Variants in RSPO2 observed in about 807,000 individuals in gnomAD.
The protein encoded by RSPO2 is R-spondin-2.
RSPO2 carries 14 observed loss-of-function variants against 30.9 expected under a neutral mutation model. The ratio of observed to expected loss-of-function variants is 0.45; its 90% CI spans 0.30 to 0.71. RSPO2 has a LOEUF of 0.71. RSPO2 is among the 30% of genes least tolerant of loss of function. The pLI, the probability that RSPO2 is intolerant of heterozygous loss-of-function variation, is 0.08. For synonymous variants in RSPO2, 107 were observed against 96.4 expected (o/e 1.11, Z -0.64); for missense variants, 264 against 301.9 (o/e 0.87, Z 0.93).
intron 3 of RSPO2, among the ~76,000 whole-genome samples, chr8:107,962,526 G>A (rs1813661090): frequency 1.3e-5 from 2 of 152,140 alleles, no homozygotes; most frequent in Admixed American, 1.3e-4. Context: ...GGAGGGAAAT[G>A]GTAAGCACAG....
At chr8:108,069,884 T>C (rs565327906) in intron 2 of RSPO2, among the ~76,000 whole-genome samples, 3 of 152,318 alleles carry the variant, frequency 2.0e-5, no homozygotes, top group Non-Finnish European at 2.9e-5. Context: ...TATGCCCTCA[T>C]AGGTGTGCCA....
intron 2 of RSPO2, among the ~76,000 whole-genome samples, chr8:108,015,118 G>C (rs1810843040): frequency 6.6e-6 from 1 of 152,110 alleles, no homozygotes; most frequent in African/African-American, 2.4e-5. Context: ...GGCCATAATA[G>C]AAGCAGCATA....
At chr8:107,972,257 T>G (rs1189450296) in intron 3 of RSPO2, among the ~76,000 whole-genome samples, 1 of 151,904 alleles carries the variant, frequency 6.6e-6, no homozygotes, top group East Asian at 1.9e-4. Flanking sequence ...GTGATTCTCA[T>G]GCCTCAGCCT....
intron 5 of RSPO2, among the ~76,000 whole-genome samples, chr8:107,957,412 G>T (rs1032656082): frequency 6.6e-6 from 1 of 152,098 alleles, no homozygotes; most frequent in Non-Finnish European, 1.5e-5. Context: ...ATTCTGCATC[G>T]GCCAGTCACC....
At chr8:108,027,240 G>A (rs1011877037) in intron 2 of RSPO2, among the ~76,000 whole-genome samples, 4 of 151,992 alleles carry the variant, frequency 2.6e-5, no homozygotes, top group African/African-American at 9.7e-5. Context: ...TTTCCTCTTG[G>A]GATTCTCAGT....
At chr8:108,037,044 T>C (rs188463931) in intron 2 of RSPO2, among the ~76,000 whole-genome samples, 5 of 152,230 alleles carry the variant, frequency 3.3e-5, no homozygotes. Context: ...ATTAAGACAA[T>C]TAGTAACCCT....
intron 5 of RSPO2, among the ~76,000 whole-genome samples, chr8:107,952,132 C>T (rs753108868): frequency 3.9e-5 from 6 of 152,166 alleles, no homozygotes; most frequent in Admixed American, 1.3e-4. Flanking sequence ...AGACCCCTGA[C>T]GCAGGAATTT....
intron 5 of RSPO2, among the ~76,000 whole-genome samples, chr8:107,917,993 T>G: frequency 6.6e-6 from 1 of 152,270 alleles, no homozygotes; most frequent in African/African-American, 2.4e-5. Flanking sequence ...TTCTAATAAC[T>G]TTAGAGAATG....
chr8:107,981,607 A>C (rs980115880), intron 3 of RSPO2, among the ~76,000 whole-genome samples: 1 of 152,212 alleles, frequency 6.6e-6, no homozygotes, highest in African/African-American at 2.4e-5. Context: ...AAAAACACCT[A>C]AATAGTGATC....
chr8:108,037,010 G>A (rs1045814405), intron 2 of RSPO2, among the ~76,000 whole-genome samples: 13 of 152,080 alleles, frequency 8.5e-5, no homozygotes, highest in Non-Finnish European at 7.4e-5. Context: ...GCCTCCCTAT[G>A]CCCTGTGGTA....
intron 3 of RSPO2, among the ~76,000 whole-genome samples, chr8:107,972,451 T>C (rs890505230): frequency 6.6e-6 from 1 of 152,130 alleles, no homozygotes; most frequent in African/African-American, 2.4e-5. Flanking sequence ...CAGCCCATTT[T>C]GTATATTTTA....
Position 107,901,108 on chromosome 8 carries a change from G to A in RSPO2, c.699C>T (p.Ser233=), listed in dbSNP as rs767045413. Residue 233 remains serine (S), a synonymous_variant, in exon 6 of 6, where the codon AGC becomes AGT. Transcript: ENST00000276659. ...TAGCTCTGTCTGTAGCTAGGAAGAC[G>A]CTGTGTTGCTCCTGGGCCCTTTCTA... ...KLIERAQEQH[S]VFLATDRANQ 16 of 1,613,968 alleles carry A rather than the reference G, an allele frequency of 9.9e-6. No homozygotes were observed. Among genetic ancestry groups the A allele is most frequent in the Middle Eastern group, 1.6e-4 (1 of 6,084 alleles).
chr8:107,938,787 C>T (rs1448531575), intron 5 of RSPO2, among the ~76,000 whole-genome samples: 1 of 152,150 alleles, frequency 6.6e-6, no homozygotes, highest in African/African-American at 2.4e-5. Context: ...GTTCTGCAAC[C>T]ATAAACAGTA....
chr8:107,974,299 C>T lies in RSPO2; in HGVS notation c.284-13482G>A, dbSNP rs143857631. ...CCCAGGAGTTTGAGACCAGCCTGGGCTATGTGACGATACTTCATCTCTACA... is the reference window on the plus strand; with the variant it reads ...CCCAGGAGTTTGAGACCAGCCTGGGTTATGTGACGATACTTCATCTCTACA... On this transcript the variant is annotated intron_variant, in intron 3 of 5. Coordinates refer to ENST00000276659, the MANE Select transcript of RSPO2 (RefSeq NM_178565.5). Among the ~76,000 whole-genome samples the T allele has an allele frequency of 2.1e-3, 294 of 143,212 alleles. 1 individual carries two copies. Among genetic ancestry groups the T allele is most frequent in the African/African-American group, 7.5e-3 (279 of 37,330 alleles). 94.0% of individuals were successfully genotyped at this position (143,212 alleles called of 152,430 possible).
intron 2 of RSPO2, among the ~76,000 whole-genome samples, chr8:108,034,670 A>C (rs562460785): frequency 6.6e-6 from 1 of 152,350 alleles, no homozygotes; most frequent in East Asian, 1.9e-4. Context: ...TAAGACTCAG[A>C]ATAACAATTA....
At chr8:108,034,907 A>G (rs570411127) in intron 2 of RSPO2, among the ~76,000 whole-genome samples, 2 of 152,350 alleles carry the variant, frequency 1.3e-5, no homozygotes, top group African/African-American at 4.8e-5. Flanking sequence ...TATTATCTTC[A>G]TGATTTGAGC....
chr8:108,075,573 A>T (rs1427871326), intron 2 of RSPO2, among the ~76,000 whole-genome samples: 1 of 152,144 alleles, frequency 6.6e-6, no homozygotes, highest in Non-Finnish European at 1.5e-5. Flanking sequence ...CATTCAAATA[A>T]CAAACAAGTA....
intron 2 of RSPO2, among the ~76,000 whole-genome samples, chr8:108,068,496 T>C (rs763975500): frequency 2.0e-5 from 3 of 152,156 alleles, no homozygotes; most frequent in Non-Finnish European, 4.4e-5. Flanking sequence ...GTTATGAAAA[T>C]AAGGATTTAA....
chr8:107,950,804 A>G (rs961006998), intron 5 of RSPO2, among the ~76,000 whole-genome samples: 1 of 151,782 alleles, frequency 6.6e-6, no homozygotes, highest in Non-Finnish European at 1.5e-5. Flanking sequence ...TAATTTTATC[A>G]TCTTAACTAC....
Sources: gnomAD v4.1 joint callset for allele counts (sites outside exome capture counted in the v4.1 genomes callset) on GRCh38, gnomAD v4.1.1 for gene constraint, MANE v1.5 for transcripts, NCBI Gene and HGNC (gene_info 2026-07-23, HGNC 2026-07-21) for gene names.